Variants in TIMM23B observed in about 807,000 individuals in gnomAD.
The protein encoded by TIMM23B is mitochondrial import inner membrane translocase subunit Tim23B.
In TIMM23B, 27 loss-of-function variants were observed where a neutral mutation model predicts 27.3. That is an observed-to-expected ratio of 0.99 (90% CI 0.73 to 1.36). The LOEUF is 1.36. Among genes scored for constraint, TIMM23B ranks in the 40% most tolerant of loss-of-function variants. The pLI is 0.00. For missense variants in TIMM23B, 205 were observed against 244.2 expected (o/e 0.84, Z 1.07); for synonymous variants, 73 against 92.4 (o/e 0.79, Z 1.21).
intron 6 of TIMM23B, among the ~76,000 whole-genome samples, chr10:49,963,183 T>C (rs1554854851): frequency 2.0e-5 from 3 of 152,056 alleles, no homozygotes; most frequent in African/African-American, 7.3e-5. Flanking sequence ...ATAGAGCGAG[T>C]CTGTCTCAGA....
intron 2 of TIMM23B, among the ~76,000 whole-genome samples, chr10:49,949,749 A>G (rs1389220446): frequency 1.3e-5 from 2 of 151,266 alleles, no homozygotes; most frequent in Admixed American, 6.6e-5. Context: ...TAGAAATTAC[A>G]TTTTGTAAAA....
intron 5 of TIMM23B, among the ~76,000 whole-genome samples, chr10:49,956,821 TATATCTTTGG>T (rs1198431941): frequency 6.7e-6 from 1 of 148,186 alleles, no homozygotes; most frequent in African/African-American, 2.4e-5. Context: ...TCATTCCATG[TATATCTTTGG>T]ATAAATTTTT....
chr10:49,942,181 T>A lies in TIMM23B; in HGVS notation c.-14T>A. 6.3e-7 allele frequency: 1 copy of A among 1,579,638 alleles called. No individual in the cohort carries two copies. Among genetic ancestry groups the A allele is most frequent in the Non-Finnish European group, 8.6e-7 (1 of 1,160,478 alleles). ...TGAGGCAGCGGCGGGAACCACTCGG[T>A]TTGCTGCGATACCATGGAAGGAGGC... On this transcript the variant is annotated 5_prime_UTR_variant, in exon 1 of 7. Transcript: ENST00000651259.
At chr10:49,965,012 G>C (rs1840076583) in intron 6 of TIMM23B, among the ~76,000 whole-genome samples, 1 of 152,222 alleles carries the variant, frequency 6.6e-6, no homozygotes, top group African/African-American at 2.4e-5. Flanking sequence ...CTTGAGGTCA[G>C]GAGTTCAAGA....
At chr10:49,958,973 G>T (rs1462228457) in intron 6 of TIMM23B, among the ~76,000 whole-genome samples, 6 of 152,162 alleles carry the variant, frequency 3.9e-5, no homozygotes, top group Non-Finnish European at 7.3e-5. Flanking sequence ...TTCATTCTGT[G>T]TATGTGTACC....
At chr10:49,956,398 T>A (rs1264469924) in intron 5 of TIMM23B, among the ~76,000 whole-genome samples, 8 of 148,234 alleles carry the variant, frequency 5.4e-5, no homozygotes, top group African/African-American at 2.0e-4. Flanking sequence ...ACTTTTTTTT[T>A]AATCTATTTT....
At chr10:49,944,631 C>G (rs2133046046) in intron 1 of TIMM23B, among the ~76,000 whole-genome samples, 1 of 152,218 alleles carries the variant, frequency 6.6e-6, no homozygotes, top group Non-Finnish European at 1.5e-5. Context: ...AAAACCCAAC[C>G]CAACCACTGT....
chr10:49,957,586 C>A (rs1261321831), intron 5 of TIMM23B, among the ~76,000 whole-genome samples: 1 of 151,962 alleles, frequency 6.6e-6, no homozygotes, highest in African/African-American at 2.4e-5. Context: ...ATACAAATAG[C>A]CCAGTCAAGG....
Position 49,952,235 on chromosome 10 carries a change from T to G in TIMM23B, c.259+16T>G, listed in dbSNP as rs2133063847. On this transcript the variant is annotated intron_variant, in intron 3 of 6. Coordinates refer to ENST00000651259, the MANE Select transcript of TIMM23B (RefSeq NM_001290117.2). ...TGCATGACAGGTGAGTGTTACATAC[T>G]TTTTTCTCAAGAGTGCTCAGTTCAA... 6.2e-7 allele frequency: 1 copy of G among 1,600,524 alleles called. No homozygotes were observed. The highest frequency in any genetic ancestry group is 1.1e-5 in the South Asian group (1 of 90,776).
intron 2 of TIMM23B, among the ~76,000 whole-genome samples, chr10:49,947,911 GAGAGAGACT>G (rs1839405111): frequency 6.6e-6 from 1 of 152,200 alleles, no homozygotes; most frequent in Non-Finnish European, 1.5e-5. Flanking sequence ...CTGGGTGACA[GAGAGAGACT>G]TTGTCTCAAA....
intron 6 of TIMM23B, among the ~76,000 whole-genome samples, chr10:49,970,699 C>T (rs1347536646): frequency 4.3e-5 from 5 of 115,804 alleles, no homozygotes; most frequent in South Asian, 3.0e-4. Context: ...CCACCCCATC[C>T]GGGAGGGAGG....
chr10:49,971,917 C>T (rs1309726187), intron 6 of TIMM23B, among the ~76,000 whole-genome samples: 6 of 152,228 alleles, frequency 3.9e-5, no homozygotes, highest in African/African-American at 1.4e-4. Context: ...GGTATGAACA[C>T]TTACTATGCT....
chr10:49,950,262 C>T (rs1253102619), intron 2 of TIMM23B, among the ~76,000 whole-genome samples: 2 of 147,040 alleles, frequency 1.4e-5, no homozygotes, highest in Non-Finnish European at 3.0e-5. Context: ...ATTTATCTTC[C>T]ATGTCAGCAA....
At chr10:49,958,634 A>G (rs1447793296) in intron 6 of TIMM23B, among the ~76,000 whole-genome samples, 154 bp downstream of exon 6, 2 of 152,312 alleles carry the variant, frequency 1.3e-5, no homozygotes, top group African/African-American at 4.8e-5. Flanking sequence ...AATTGTGGTA[A>G]AATATGAGAT....
chr10:49,942,847 A>G (rs1839192913), intron 1 of TIMM23B, among the ~76,000 whole-genome samples: 1 of 152,232 alleles, frequency 6.6e-6, no homozygotes, highest in Admixed American at 6.5e-5. Flanking sequence ...GAAGCCAGGT[A>G]AGAATTATAG....
intron 6 of TIMM23B, among the ~76,000 whole-genome samples, chr10:49,967,358 C>T (rs2805288): frequency 6.6e-6 from 1 of 152,234 alleles, no homozygotes; most frequent in Non-Finnish European, 1.5e-5. Context: ...TTTCCAAATC[C>T]ATGAATCTGG....
At chr10:49,963,142 G>A (rs1839981111) in intron 6 of TIMM23B, among the ~76,000 whole-genome samples, 1 of 152,008 alleles carries the variant, frequency 6.6e-6, no homozygotes, top group South Asian at 2.1e-4. Context: ...GCAGTGAGCA[G>A]AGATCGCGCC....
chr10:49,942,776 A>G (rs1449993414), intron 1 of TIMM23B, among the ~76,000 whole-genome samples: 2 of 151,848 alleles, frequency 1.3e-5, no homozygotes, highest in East Asian at 3.8e-4. Flanking sequence ...AGGCTAGGAA[A>G]CCTTCTTTAG....
intron 2 of TIMM23B, among the ~76,000 whole-genome samples, chr10:49,946,581 A>T (rs1839362816): frequency 6.6e-6 from 1 of 151,992 alleles, no homozygotes; most frequent in Non-Finnish European, 1.5e-5. Flanking sequence ...AATTACAAAA[A>T]ACAGTTGATT....
Sources: allele counts gnomAD v4.1 joint callset (sites outside exome capture counted in the v4.1 genomes callset), GRCh38; gene constraint gnomAD v4.1.1; transcripts MANE v1.5; gene names NCBI Gene and HGNC (gene_info 2026-07-23, HGNC 2026-07-21).